GRM7: variants seen among roughly 807,000 people sequenced by gnomAD.
The protein encoded by GRM7 is metabotropic glutamate receptor 7.
GRM7 carries 35 observed loss-of-function variants against 84.5 expected under a neutral mutation model. That is an observed-to-expected ratio of 0.41 (90% CI 0.32 to 0.55). GRM7 has a LOEUF of 0.55. GRM7 is among the 20% of genes least tolerant of loss of function. GRM7 has a pLI of 0.19. For synonymous variants in GRM7, 487 were observed against 455.1 expected, an observed-to-expected ratio of 1.07 and a Z score of -0.89; for missense variants, 1,003 against 1,194.6, an observed-to-expected ratio of 0.84 and a Z score of 2.36.
At chr3:7,196,969 T>C (rs1490716488) in intron 2 of GRM7, among the ~76,000 whole-genome samples, 1 of 152,126 alleles carries the variant, frequency 6.6e-6, no homozygotes, top group Non-Finnish European at 1.5e-5. Context: ...TCAGGGGCAA[T>C]TTGAAACACT....
chr3:7,334,928 C>T (rs532836030), intron 4 of GRM7, among the ~76,000 whole-genome samples: 85 of 152,072 alleles, frequency 5.6e-4, no homozygotes, highest in Middle Eastern at 3.4e-3. Context: ...TACTACTAGA[C>T]CTAAGAAATG....
intron 1 of GRM7, among the ~76,000 whole-genome samples, chr3:6,910,072 G>T (rs901605886): frequency 6.7e-4 from 102 of 151,948 alleles, no homozygotes; most frequent in African/African-American, 2.5e-3. Context: ...GAGTTGGGCT[G>T]AAGGAAAAAA....
chr3:7,488,474 G>A (rs1699402450), intron 7 of GRM7, among the ~76,000 whole-genome samples: 1 of 152,194 alleles, frequency 6.6e-6, no homozygotes, highest in Admixed American at 6.5e-5. Context: ...GGGATTAACA[G>A]TCTCACAGGA....
At chr3:7,398,023 T>C (rs569189669) in intron 4 of GRM7, among the ~76,000 whole-genome samples, 43 of 152,260 alleles carry the variant, frequency 2.8e-4, no homozygotes, top group Middle Eastern at 3.4e-3. Context: ...CAAAAACTTA[T>C]AATTTTAGTA....
At chr3:7,359,200 A>G (rs1156408000) in intron 4 of GRM7, among the ~76,000 whole-genome samples, 1 of 123,576 alleles carries the variant, frequency 8.1e-6, no homozygotes, top group Non-Finnish European at 1.7e-5. Flanking sequence ...TGCCTTTACC[A>G]TTTGGTAGGG....
intron 1 of GRM7, among the ~76,000 whole-genome samples, chr3:6,872,676 G>A (rs534514214): frequency 1.5e-4 from 23 of 151,216 alleles, no homozygotes; most frequent in Middle Eastern, 3.4e-3. Context: ...ATATGTTCTT[G>A]TTGTTCAACT....
chr3:7,256,730 C>G (rs572554764), intron 2 of GRM7, among the ~76,000 whole-genome samples: 11 of 152,114 alleles, frequency 7.2e-5, no homozygotes, highest in African/African-American at 2.2e-4. Flanking sequence ...ATATTCTAGG[C>G]CTTGGAAATG....
chr3:7,449,969 G>T (rs1324059041), intron 5 of GRM7, among the ~76,000 whole-genome samples: 1 of 151,912 alleles, frequency 6.6e-6, no homozygotes, highest in East Asian at 1.9e-4. Context: ...TTATTAGAAA[G>T]AAATGAATAA....
At chr3:7,250,061 G>A (rs1194232510) in intron 2 of GRM7, among the ~76,000 whole-genome samples, 1 of 152,142 alleles carries the variant, frequency 6.6e-6, no homozygotes, top group African/African-American at 2.4e-5. Context: ...TGTGAGGCTA[G>A]GAAATGTAGG....
intron 2 of GRM7, among the ~76,000 whole-genome samples, chr3:7,169,188 T>C (rs560800479): frequency 6.6e-6 from 1 of 152,258 alleles, no homozygotes; most frequent in Admixed American, 6.5e-5. Context: ...ATCAAATGCA[T>C]AGGGGTGCAT....
At chr3:7,048,580 A>C (rs1696881470) in intron 1 of GRM7, among the ~76,000 whole-genome samples, 1 of 151,808 alleles carries the variant, frequency 6.6e-6, no homozygotes, top group Non-Finnish European at 1.5e-5. Flanking sequence ...TTACTTCCCC[A>C]TTTTTCTCAT....
At chr3:7,000,474 A>G (rs187770808) in intron 1 of GRM7, among the ~76,000 whole-genome samples, 2 of 152,200 alleles carry the variant, frequency 1.3e-5, no homozygotes, top group East Asian at 3.9e-4. Flanking sequence ...GGCATGAGCC[A>G]CCTCGCCCGG....
At chr3:7,708,194 T>A (rs1701456182) in intron 9 of GRM7, among the ~76,000 whole-genome samples, 1 of 152,096 alleles carries the variant, frequency 6.6e-6, no homozygotes, top group Non-Finnish European at 1.5e-5. Context: ...GTTTTGGCTT[T>A]GTGAGGTTTT....
At chr3:7,371,125 G>A (rs1482142281) in intron 4 of GRM7, among the ~76,000 whole-genome samples, 1 of 152,100 alleles carries the variant, frequency 6.6e-6, no homozygotes, top group Non-Finnish European at 1.5e-5. Context: ...TATATTCTAA[G>A]ACAGTGTAAC....
chr3:7,607,967 AG>A (rs1166770642), intron 8 of GRM7: 1 of 247,840 alleles, frequency 4.0e-6, no homozygotes, highest in Non-Finnish European at 8.9e-6. Context: ...TCCACTTATA[AG>A]TGAGAACACA....
At chr3:7,353,245 C>G (rs917542757) in intron 4 of GRM7, among the ~76,000 whole-genome samples, 1 of 151,880 alleles carries the variant, frequency 6.6e-6, no homozygotes. Flanking sequence ...ATACTATACT[C>G]GAATAGAACT....
chr3:7,229,759 ATTT>A (rs1200808989), intron 2 of GRM7, among the ~76,000 whole-genome samples: 381 of 30,062 alleles, frequency 0.013, 3 homozygotes, highest in Admixed American at 0.018. Context: ...ATATATATAT[ATTT>A]TTTTTTTTTT....
intron 4 of GRM7, among the ~76,000 whole-genome samples, chr3:7,393,416 T>C (rs771885660): frequency 2.0e-5 from 3 of 152,172 alleles, no homozygotes; most frequent in African/African-American, 4.8e-5. Context: ...TAAAAGCCCA[T>C]GTCAGAGCTC....
intron 1 of GRM7, among the ~76,000 whole-genome samples, chr3:7,043,543 G>A (rs1417741400): frequency 1.3e-5 from 2 of 152,152 alleles, no homozygotes; most frequent in Non-Finnish European, 2.9e-5. Flanking sequence ...TATTTTTCCA[G>A]CTTTTAATTG....
Sources: allele counts gnomAD v4.1 joint callset (sites outside exome capture counted in the v4.1 genomes callset), GRCh38; gene constraint gnomAD v4.1.1; transcripts MANE v1.5; gene names NCBI Gene and HGNC (gene_info 2026-07-23, HGNC 2026-07-21).